The following GBE1 variants were observed in gnomAD, a reference collection of about 807,000 sequenced individuals.
The protein encoded by GBE1 is 1,4-alpha-glucan-branching enzyme.
In GBE1, 70 loss-of-function variants were observed where a neutral mutation model predicts 88.8. That is an observed-to-expected ratio of 0.79 (90% CI 0.65 to 0.96). GBE1 has a LOEUF of 0.96. Ranked by LOEUF, GBE1 falls within the 40% of genes least tolerant of loss-of-function variation. The pLI is 0.00. For missense variants in GBE1, 872 were observed against 871.0 expected, an observed-to-expected ratio of 1.00 and a Z score of -0.01; for synonymous variants, 284 against 300.1, an observed-to-expected ratio of 0.95 and a Z score of 0.56.
intron 14 of GBE1, chr3:81,534,826 C>A (rs1703052346): frequency 6.2e-6 from 1 of 161,454 alleles, no homozygotes; most frequent in Non-Finnish European, 1.3e-5. Context: ...CCCCTAAGTC[C>A]AGAGCCTCTG....
intron 1 of GBE1, among the ~76,000 whole-genome samples, chr3:81,752,956 T>G (rs1190316237): frequency 1.3e-5 from 2 of 152,184 alleles, no homozygotes; most frequent in African/African-American, 4.8e-5. Flanking sequence ...CATCAAACTA[T>G]TATTTGTTTA....
intron 2 of GBE1, among the ~76,000 whole-genome samples, chr3:81,674,276 C>CAAAGAAAAA (rs1405079166): frequency 2.0e-5 from 3 of 151,916 alleles, no homozygotes; most frequent in Non-Finnish European, 2.9e-5. Context: ...CCAGTTCCTG[C>CAAAGAAAAA]CTTATATGAG....
At chr3:81,514,114 G>A (rs1702761512) in intron 14 of GBE1, among the ~76,000 whole-genome samples, 1 of 151,568 alleles carries the variant, frequency 6.6e-6, no homozygotes, top group South Asian at 2.1e-4. Context: ...TACTACAGGA[G>A]AAAATTGTTT....
chr3:81,674,880 A>T (rs1353918829), intron 2 of GBE1, among the ~76,000 whole-genome samples: 2 of 152,016 alleles, frequency 1.3e-5, no homozygotes, highest in Non-Finnish European at 2.9e-5. Context: ...ATGACTCTTC[A>T]TCATGTGTGA....
At chr3:81,736,581 G>A (rs943078038) in intron 1 of GBE1, among the ~76,000 whole-genome samples, 2 of 152,122 alleles carry the variant, frequency 1.3e-5, no homozygotes, top group African/African-American at 2.4e-5. Flanking sequence ...AATTATCCCC[G>A]TGAAAGACTG....
intron 1 of GBE1, among the ~76,000 whole-genome samples, chr3:81,725,224 A>C (rs1706091893): frequency 6.6e-6 from 1 of 152,172 alleles, no homozygotes; most frequent in Admixed American, 6.5e-5. Context: ...TAAACTTTTT[A>C]ATTTTTTCTT....
chr3:81,744,019 A>C (rs900259941), intron 1 of GBE1, among the ~76,000 whole-genome samples: 2 of 152,124 alleles, frequency 1.3e-5, no homozygotes, highest in African/African-American at 2.4e-5. Context: ...CTTTGGGTCT[A>C]ATTACCTCTG....
At chr3:81,713,789 C>T (rs1255246234) in intron 1 of GBE1, among the ~76,000 whole-genome samples, 2 of 152,140 alleles carry the variant, frequency 1.3e-5, no homozygotes, top group African/African-American at 4.8e-5. Context: ...CTGTATTCAA[C>T]TTAGCATACA....
intron 7 of GBE1, among the ~76,000 whole-genome samples, chr3:81,608,624 T>C (rs547610896): frequency 3.9e-5 from 6 of 152,248 alleles, no homozygotes; most frequent in African/African-American, 1.4e-4. Context: ...CATGAGATAA[T>C]AACTGTCAGT....
At chr3:81,504,100 C>T (rs1702624338) in intron 14 of GBE1, among the ~76,000 whole-genome samples, 1 of 152,120 alleles carries the variant, frequency 6.6e-6, no homozygotes, top group Admixed American at 6.5e-5. Context: ...GGCATCAAGC[C>T]ATTCATGAAG....
chr3:81,497,126 A>T (rs1257265910), intron 15 of GBE1, among the ~76,000 whole-genome samples: 1 of 152,214 alleles, frequency 6.6e-6, no homozygotes, highest in South Asian at 2.1e-4. Context: ...TTGAAAAGTA[A>T]TCTCCTGATG....
At chr3:81,495,383 C>T (rs544437747) in intron 15 of GBE1, among the ~76,000 whole-genome samples, 32 of 152,010 alleles carry the variant, frequency 2.1e-4, no homozygotes, top group African/African-American at 5.1e-4. Flanking sequence ...AGTGAGACTC[C>T]GTCTCACAAA....
intron 14 of GBE1, among the ~76,000 whole-genome samples, chr3:81,522,618 T>G (rs1206412776): frequency 6.6e-6 from 1 of 151,584 alleles, no homozygotes; most frequent in Admixed American, 6.6e-5. Flanking sequence ...CATTACATCT[T>G]CAATACTTTG....
At chr3:81,570,977 T>C (rs1310793065) in intron 12 of GBE1, among the ~76,000 whole-genome samples, 2 of 152,174 alleles carry the variant, frequency 1.3e-5, no homozygotes, top group Non-Finnish European at 2.9e-5. Context: ...CTTTTAATAG[T>C]AGGAATTAGG....
intron 6 of GBE1, among the ~76,000 whole-genome samples, chr3:81,645,364 A>C (rs1257926314): frequency 6.6e-6 from 1 of 152,178 alleles, no homozygotes; most frequent in African/African-American, 2.4e-5. Context: ...AAGCCAGGGA[A>C]AGAAAAAGGT....
intron 1 of GBE1, among the ~76,000 whole-genome samples, chr3:81,710,119 C>G (rs1380530731): frequency 6.6e-6 from 1 of 151,380 alleles, no homozygotes; most frequent in African/African-American, 2.4e-5. Flanking sequence ...GCAATAAGGA[C>G]ATCACACATC....
chr3:81,659,989 T>C (rs959878136), intron 3 of GBE1, among the ~76,000 whole-genome samples: 7 of 152,184 alleles, frequency 4.6e-5, no homozygotes, highest in Middle Eastern at 3.2e-3. Flanking sequence ...AAAAAATCTG[T>C]ATTTTGCCAG....
intron 7 of GBE1, among the ~76,000 whole-genome samples, chr3:81,597,121 AGAGTAT>A (rs1472977874): frequency 6.6e-6 from 1 of 151,986 alleles, no homozygotes; most frequent in Non-Finnish European, 1.5e-5. Flanking sequence ...GCCTTGAGTC[AGAGTAT>A]AACAATGTCT....
intron 12 of GBE1, among the ~76,000 whole-genome samples, chr3:81,573,072 A>T (rs1000532515): frequency 5.3e-5 from 8 of 151,956 alleles, no homozygotes; most frequent in African/African-American, 1.9e-4. Flanking sequence ...CACGAAGCAT[A>T]CTTAGCCAAT....
Sources: allele counts gnomAD v4.1 joint callset (sites outside exome capture counted in the v4.1 genomes callset), GRCh38; gene constraint gnomAD v4.1.1; transcripts MANE v1.5; gene names NCBI Gene and HGNC (gene_info 2026-07-23, HGNC 2026-07-21).